Variants in ITGA8 observed in about 807,000 individuals in gnomAD.
ITGA8 encodes the protein integrin alpha-8.
A neutral mutation model predicts 142.3 loss-of-function variants in ITGA8; 91 were observed. The ratio of observed to expected loss-of-function variants is 0.64; its 90% CI spans 0.54 to 0.76. ITGA8 has a LOEUF of 0.76. Ranked by LOEUF, ITGA8 falls within the 30% of genes least tolerant of loss-of-function variation. The probability of loss-of-function intolerance (pLI) is 0.00; values close to 1 mark genes in which losing one functional copy is unlikely to be tolerated. For missense variants in ITGA8, 1,406 were observed against 1,327.7 expected (o/e 1.06, Z -0.92); for synonymous variants, 505 against 485.2 (o/e 1.04, Z -0.54).
At chr10:15,617,422 A>G (rs1361998351) in intron 13 of ITGA8, among the ~76,000 whole-genome samples, 1 of 150,504 alleles carries the variant, frequency 6.6e-6, no homozygotes, top group African/African-American at 2.4e-5. Flanking sequence ...CTTTTTTGAC[A>G]GAGTCTCGCT....
At chr10:15,676,296 C>G (rs997961164) in intron 6 of ITGA8, among the ~76,000 whole-genome samples, 1 of 152,188 alleles carries the variant, frequency 6.6e-6, no homozygotes, top group Non-Finnish European at 1.5e-5. Flanking sequence ...TATGCAGCAC[C>G]TTAGCAAGAA....
chr10:15,602,902 C>T (rs996076294), intron 20 of ITGA8, among the ~76,000 whole-genome samples: 5 of 150,874 alleles, frequency 3.3e-5, no homozygotes, highest in African/African-American at 5.0e-5. Context: ...TCCCCTCTAT[C>T]CAACTTCACT....
At position 15,660,732 on chromosome 10, in the gene ITGA8, C is replaced by T. The variant is rs560718922; in HGVS notation, c.891+147G>A. 30 of 664,850 alleles carry T rather than the reference C, an allele frequency of 4.5e-5. 1 individual carries two copies. The highest frequency in any genetic ancestry group is 2.6e-5 in the Non-Finnish European group (10 of 386,014). The allele number at this position is 664,850 out of a possible 1,614,324, so 41.2% of individuals were successfully genotyped here. ...GCATGTTTAAGGTAGGTTAGGTAAG[C>T]TATGATGTTCGGTGGATTAGGTGTA... is the stretch of plus-strand genomic sequence containing the variant. On this transcript the variant is annotated intron_variant, in intron 9 of 29. Coordinates refer to ENST00000378076, the MANE Select transcript of ITGA8 (RefSeq NM_003638.3).
intron 19 of ITGA8, 113 bp from the exon 20 acceptor site, chr10:15,604,468 A>G: frequency 1.3e-6 from 1 of 766,164 alleles, no homozygotes; most frequent in Admixed American, 3.2e-5. Flanking sequence ...CAAAAAAAGA[A>G]GATGGACCAT....
At chr10:15,679,576 C>G (rs767211730) in intron 4 of ITGA8, among the ~76,000 whole-genome samples, 1 of 152,094 alleles carries the variant, frequency 6.6e-6, no homozygotes, top group Non-Finnish European at 1.5e-5. Flanking sequence ...AGCAAGACTC[C>G]AACTCAAACA....
chr10:15,607,665 T>G lies in ITGA8; in HGVS notation c.1764+12A>C, dbSNP rs1227489158. 1 of 1,613,116 alleles carries G rather than the reference T, an allele frequency of 6.2e-7. No individual in the cohort carries two copies. ...AGGAGAGAGGCCAGAGAAGTCTTTCTGGAATACTTACTCGAAGGTAAACGA... is the reference window on the plus strand; with the variant it reads ...AGGAGAGAGGCCAGAGAAGTCTTTCGGGAATACTTACTCGAAGGTAAACGA... On this transcript the variant is annotated intron_variant, in intron 17 of 29. Coordinates refer to ENST00000378076, the MANE Select transcript of ITGA8 (RefSeq NM_003638.3).
intron 27 of ITGA8, among the ~76,000 whole-genome samples, chr10:15,544,875 A>G (rs1833639623): frequency 6.6e-6 from 1 of 152,310 alleles, no homozygotes; most frequent in Non-Finnish European, 1.5e-5. Context: ...TCGCCATGTT[A>G]GGAGATCGCT....
chr10:15,531,284 T>C, intron 27 of ITGA8, 133 bp from the exon 28 acceptor site: 1 of 473,460 alleles, frequency 2.1e-6, no homozygotes, highest in Non-Finnish European at 3.6e-6. Flanking sequence ...TTTTCTCTCT[T>C]TTAACTTTTT....
intron 25 of ITGA8, among the ~76,000 whole-genome samples, chr10:15,567,784 T>C (rs1484358271): frequency 6.6e-6 from 1 of 152,182 alleles, no homozygotes; most frequent in African/African-American, 2.4e-5. Context: ...CACCCAGCCC[T>C]TCCTGATCTC....
intron 2 of ITGA8, among the ~76,000 whole-genome samples, chr10:15,718,286 T>C (rs1315352808): frequency 1.3e-5 from 2 of 152,242 alleles, no homozygotes; most frequent in Non-Finnish European, 2.9e-5. Context: ...GAAAATTCTT[T>C]CTTTCTGTAA....
intron 2 of ITGA8, among the ~76,000 whole-genome samples, chr10:15,710,693 C>G (rs755774684): frequency 2.6e-5 from 4 of 152,138 alleles, no homozygotes; most frequent in Non-Finnish European, 5.9e-5. Flanking sequence ...ACTAGCGAGG[C>G]AAGAGGGGGC....
intron 13 of ITGA8, among the ~76,000 whole-genome samples, chr10:15,637,477 C>T (rs151291987): frequency 6.1e-4 from 93 of 151,686 alleles, no homozygotes; most frequent in African/African-American, 2.2e-3. Context: ...TCCGATTTTC[C>T]TTCCCCTGTT....
intron 2 of ITGA8, among the ~76,000 whole-genome samples, chr10:15,690,048 A>G (rs531336527): frequency 6.6e-6 from 1 of 151,878 alleles, no homozygotes; most frequent in South Asian, 2.1e-4. Flanking sequence ...TGCTTTGCCC[A>G]CCCTCTCCGG....
chr10:15,696,850 C>CTAACTCTT (rs1835061516), intron 2 of ITGA8, among the ~76,000 whole-genome samples: 1 of 137,872 alleles, frequency 7.3e-6, no homozygotes, highest in East Asian at 2.1e-4. Flanking sequence ...TGGCAAAACC[C>CTAACTCTT]TAACTCTTAC....
At chr10:15,663,013 T>A (rs1834318782) in intron 8 of ITGA8, among the ~76,000 whole-genome samples, 1 of 152,186 alleles carries the variant, frequency 6.6e-6, no homozygotes, top group Admixed American at 6.5e-5. Context: ...TATACACAAT[T>A]AAATATTGTA....
At chr10:15,575,310 A>C (rs1834264572) in intron 24 of ITGA8, among the ~76,000 whole-genome samples, 179 bp downstream of exon 24, 1 of 152,126 alleles carries the variant, frequency 6.6e-6, no homozygotes, top group Admixed American at 6.5e-5. Flanking sequence ...GGATTGTTTG[A>C]GCCCAGAAAG....
intron 13 of ITGA8, among the ~76,000 whole-genome samples, chr10:15,638,617 A>G (rs1162763638): frequency 2.0e-5 from 3 of 152,188 alleles, no homozygotes; most frequent in Non-Finnish European, 4.4e-5. Flanking sequence ...ATTGCTGTTG[A>G]TAAGTGTGGC....
intron 23 of ITGA8, among the ~76,000 whole-genome samples, chr10:15,582,726 G>A (rs1434675725): frequency 6.6e-6 from 1 of 152,226 alleles, no homozygotes; most frequent in African/African-American, 2.4e-5. Flanking sequence ...AAAACTCAGT[G>A]GAACACTATA....
At chr10:15,608,181 A>G (rs1833229729) in intron 16 of ITGA8, 54 bp downstream of exon 16, 1 of 1,209,006 alleles carries the variant, frequency 8.3e-7, no homozygotes, top group Non-Finnish European at 1.2e-6. Context: ...AGAAATGGTT[A>G]CTGTTCAACT....
Sources: allele counts gnomAD v4.1 joint callset (sites outside exome capture counted in the v4.1 genomes callset), GRCh38; gene constraint gnomAD v4.1.1; transcripts MANE v1.5; gene names NCBI Gene and HGNC (gene_info 2026-07-23, HGNC 2026-07-21).